SLC28A1: variants seen among roughly 807,000 people sequenced by gnomAD.
The protein encoded by SLC28A1 is solute carrier family 28 member 1, also known as sodium/nucleoside cotransporter 1.
Under a neutral mutation model 74.8 loss-of-function variants are expected in SLC28A1, and 64 were observed. The observed-to-expected ratio is 0.86, with a 90% confidence interval of 0.70 to 1.05. The LOEUF is 1.05. Among genes scored for constraint, SLC28A1 ranks in the 50% least tolerant of loss-of-function variants. The pLI is 0.00. For synonymous variants in SLC28A1, 359 were observed against 335.0 expected, an observed-to-expected ratio of 1.07 and a Z score of -0.78; for missense variants, 828 against 822.8, an observed-to-expected ratio of 1.01 and a Z score of -0.08.
At chr15:84,927,550 G>A (rs372094316) in intron 12 of SLC28A1, among the ~76,000 whole-genome samples, 42 of 152,048 alleles carry the variant, frequency 2.8e-4, no homozygotes, top group Non-Finnish European at 4.7e-4. Flanking sequence ...TGGAAGGGGG[G>A]GTCTTATGAC....
chr15:84,897,979 G>A (rs1393685045), intron 6 of SLC28A1, among the ~76,000 whole-genome samples: 1 of 151,802 alleles, frequency 6.6e-6, no homozygotes, highest in Non-Finnish European at 1.5e-5. Flanking sequence ...GTTTTTTTAT[G>A]GCTGAATAAT....
chr15:84,894,371 C>T (rs1486386055), intron 5 of SLC28A1, among the ~76,000 whole-genome samples: 1 of 60,510 alleles, frequency 1.7e-5, no homozygotes, highest in Non-Finnish European at 3.3e-5. Flanking sequence ...GACCCTATCT[C>T]CAAAAAAAAA....
At chr15:84,908,040 G>T (rs534505263) in intron 8 of SLC28A1, among the ~76,000 whole-genome samples, 31 of 152,296 alleles carry the variant, frequency 2.0e-4, no homozygotes, top group Non-Finnish European at 1.5e-5. Context: ...AGCCCGGGAT[G>T]GGGACAAGAT....
At chr15:84,967,301 G>C in the SLC28A1 span, among the ~76,000 whole-genome samples, 1 of 152,332 alleles carries the variant, frequency 6.6e-6, no homozygotes, top group South Asian at 2.1e-4. Context: ...CTTGGGGGAT[G>C]AGTGGCTGAC....
chr15:84,902,587 CTCT>C (rs1161497688), intron 6 of SLC28A1, among the ~76,000 whole-genome samples: 1 of 152,028 alleles, frequency 6.6e-6, no homozygotes, highest in Non-Finnish European at 1.5e-5. Flanking sequence ...TACGTTCACT[CTCT>C]TGATTGCGGT....
At chr15:84,928,415 G>A (rs971464576) in intron 12 of SLC28A1, among the ~76,000 whole-genome samples, 5 of 151,722 alleles carry the variant, frequency 3.3e-5, no homozygotes, top group Non-Finnish European at 5.9e-5. Context: ...TGTACTGCAC[G>A]CCCTCTAACT....
At chr15:84,909,413 T>C (rs1967803896) in intron 9 of SLC28A1, among the ~76,000 whole-genome samples, 1 of 152,222 alleles carries the variant, frequency 6.6e-6, no homozygotes. Flanking sequence ...CAAAATATTA[T>C]AGGGGAAATG....
At chr15:84,948,018 C>T (rs977426115), downstream of SLC28A1, among the ~76,000 whole-genome samples, 1 of 152,112 alleles carries the variant, frequency 6.6e-6, no homozygotes, top group Non-Finnish European at 1.5e-5. Context: ...TGCGTGGACA[C>T]AGATGCTGTA....
intron 15 of SLC28A1, among the ~76,000 whole-genome samples, chr15:84,939,399 C>A (rs10438432): frequency 0.9 from 137,256 of 152,136 alleles, 62,141 homozygotes; most frequent in African/African-American, 0.97. Context: ...ACAGCGAGAC[C>A]GAAGGAAGGG....
chr15:84,967,334 C>G, the SLC28A1 span, among the ~76,000 whole-genome samples: 1 of 152,152 alleles, frequency 6.6e-6, no homozygotes, highest in East Asian at 1.9e-4. Context: ...TTTCTACCCC[C>G]CACCTCACCA....
chr15:84,915,180 C>A (rs983839419), intron 9 of SLC28A1, among the ~76,000 whole-genome samples: 5 of 152,120 alleles, frequency 3.3e-5, no homozygotes, highest in African/African-American at 7.2e-5. Flanking sequence ...TAGCCCCAGG[C>A]GGGAGGAGGA....
chr15:84,907,713 G>A (rs1967448292), intron 8 of SLC28A1, among the ~76,000 whole-genome samples: 1 of 152,100 alleles, frequency 6.6e-6, no homozygotes, highest in Admixed American at 6.5e-5. Context: ...AAATCATCAA[G>A]GACATAGGTT....
intron 6 of SLC28A1, among the ~76,000 whole-genome samples, chr15:84,899,350 AT>A (rs1174392254): frequency 1.3e-5 from 2 of 152,016 alleles, no homozygotes; most frequent in Admixed American, 6.5e-5. Context: ...CAGAAAAAAA[AT>A]ATTTGACGAA....
chr15:84,973,572 C>T, the SLC28A1 span, among the ~76,000 whole-genome samples: 1 of 152,176 alleles, frequency 6.6e-6, no homozygotes, highest in South Asian at 2.1e-4. Context: ...CAGTGATCCA[C>T]TCATGTCTTA....
At position 84,940,965 on chromosome 15, in the gene SLC28A1, T is replaced by A. The variant is rs1972600190; in HGVS notation, c.1582-2480T>A. 2.0e-5 allele frequency: 3 copies of A among 153,574 alleles called. 1 individual carries two copies. The Admixed American group carries it at 2.0e-4, about 10-fold the overall frequency. The allele number at this position is 153,574 out of a possible 1,614,324, so 9.5% of individuals were successfully genotyped here. A position where few individuals can be genotyped will look rare whatever the true frequency, so the allele number is the denominator to read the frequency against. On this transcript the variant is annotated intron_variant, in intron 15 of 18. Coordinates refer to ENST00000394573, the MANE Select transcript of SLC28A1 (RefSeq NM_004213.5). ...TTTGCCACATCTTCAAATTTTCTTT[T>A]CTGTTTAGTTGACATGGTCATCTGC...
chr15:84,895,015 T>G lies in SLC28A1; in HGVS notation c.353T>G (p.Val118Gly). ...CTGGCTCTGTTTGTCCTCACCTGTG[T>G]GGTCCTCACCTTCCTGGGCCACCGC... ...RALALFVLTC[V>G]VLTFLGHRLL... The change falls in exon 6 of 19, where the codon GTG (valine) becomes GGG (glycine). Residue 118 changes from valine to glycine, a missense_variant. Transcript: ENST00000394573. 1.2e-6 allele frequency: 2 copies of G among 1,614,214 alleles called. No individual in the cohort carries two copies. Among genetic ancestry groups the G allele is most frequent in the Non-Finnish European group, 1.7e-6 (2 of 1,180,042 alleles).
chr15:84,888,787 C>A lies in SLC28A1; in HGVS notation c.112C>A (p.Pro38Thr), dbSNP rs761652882. The change falls in exon 4 of 19, where the codon CCT becomes ACT. Residue 38 changes from proline to threonine, a missense_variant. Around this residue, in one of 3 missense-constraint regions of SLC28A1, gnomAD observed 767 missense variants for 753.5 expected, o/e 1.02. Transcript: ENST00000394573. ...FLESLEEGQL[P>T]RSDLSPAEIR... ...CGGGCTGTAGGAGGAAGGCCAGCTC[C>A]CTAGGAGTGACTTGAGCCCCGCAGA... 4 of 1,553,692 alleles carry A rather than the reference C, an allele frequency of 2.6e-6. No homozygotes were observed. In the South Asian group the frequency reaches 4.8e-5, roughly 18 times the overall value.
At chr15:84,899,618 G>T (rs984137822) in intron 6 of SLC28A1, among the ~76,000 whole-genome samples, 4 of 152,110 alleles carry the variant, frequency 2.6e-5, no homozygotes, top group African/African-American at 9.7e-5. Flanking sequence ...ATACCCAAAA[G>T]GCTGTCAACC....
chr15:84,946,996 G>A (rs1006168924), downstream of SLC28A1, among the ~76,000 whole-genome samples: 4 of 152,214 alleles, frequency 2.6e-5, no homozygotes, highest in Non-Finnish European at 5.9e-5. Flanking sequence ...CCTGACCTAG[G>A]GCAGTGGGAG....
Sources: gnomAD v4.1 joint callset for allele counts (sites outside exome capture counted in the v4.1 genomes callset) on GRCh38, gnomAD v4.1.1 for gene constraint, gnomAD v4.1.1 regional missense constraint, MANE v1.5 for transcripts, NCBI Gene and HGNC (gene_info 2026-07-23, HGNC 2026-07-21) for gene names.